Variants in RPS6KA2 observed in about 807,000 individuals in gnomAD.
The protein encoded by RPS6KA2 is ribosomal protein S6 kinase A2, also known as ribosomal protein S6 kinase alpha-2.
Under a neutral mutation model 91.8 loss-of-function variants are expected in RPS6KA2, and 42 were observed. That is an observed-to-expected ratio of 0.46 (90% CI 0.36 to 0.59). The LOEUF is 0.59. Ranked by LOEUF, RPS6KA2 falls within the 20% of genes least tolerant of loss-of-function variation. RPS6KA2 has a pLI of 0.00. For missense variants in RPS6KA2, 798 were observed against 978.5 expected, an observed-to-expected ratio of 0.82 and a Z score of 2.46; for synonymous variants, 414 against 393.6, an observed-to-expected ratio of 1.05 and a Z score of -0.61.
chr6:166,477,429 T>C (rs985593103), intron 10 of RPS6KA2, among the ~76,000 whole-genome samples: 26 of 152,158 alleles, frequency 1.7e-4, no homozygotes, highest in Non-Finnish European at 3.2e-4. Context: ...ACTAAAACAA[T>C]ATTTTAAAGA....
chr6:166,482,403 C>T (rs542850875), intron 10 of RPS6KA2, among the ~76,000 whole-genome samples: 1 of 152,200 alleles, frequency 6.6e-6, no homozygotes, highest in Admixed American at 6.5e-5. Flanking sequence ...TGCAGAGATG[C>T]CACCCTTTCC....
rs1778245458 is a variant in RPS6KA2, at chr6:166,409,924, A to C, written c.*2838T>G. ...ACATCAATACATACACAGTTAGTTTAAAATCACAGACAAATCGGACTTGAG... is the reference window on the plus strand; with the variant it reads ...ACATCAATACATACACAGTTAGTTTCAAATCACAGACAAATCGGACTTGAG... On this transcript the variant is annotated 3_prime_UTR_variant, in exon 21 of 21. Transcript: ENST00000265678. The C allele has an allele frequency of 6.6e-6, 1 of 152,376 alleles. No homozygotes were observed. 9.4% of individuals were successfully genotyped at this position (152,376 alleles called of 1,614,324 possible).
At chr6:166,521,586 G>A (rs1021345031) in intron 3 of RPS6KA2, among the ~76,000 whole-genome samples, 2 of 152,228 alleles carry the variant, frequency 1.3e-5, no homozygotes, top group Non-Finnish European at 2.9e-5. Context: ...CAGAGCTCGT[G>A]TGTTTTCATA....
At chr6:166,730,294 C>T (rs1394608717) in intron 2 of RPS6KA2, among the ~76,000 whole-genome samples, 1 of 119,194 alleles carries the variant, frequency 8.4e-6, no homozygotes, top group African/African-American at 5.6e-5. Flanking sequence ...TATATGGGAA[C>T]TTCTTTAGTT....
At chr6:166,460,689 C>G (rs781367352) in intron 11 of RPS6KA2, 16 of 152,514 alleles carry the variant, frequency 1.0e-4, no homozygotes, top group Non-Finnish European at 2.2e-4. Context: ...GTCTTGCCCC[C>G]CACTGAGCAT....
At chr6:166,764,303 C>G (rs558606996) in intron 2 of RPS6KA2, among the ~76,000 whole-genome samples, 2 of 152,006 alleles carry the variant, frequency 1.3e-5, no homozygotes, top group Non-Finnish European at 2.9e-5. Flanking sequence ...CCAGGGGGCG[C>G]GTGAAAAGGA....
At chr6:166,630,673 G>C (rs1787048672), upstream of RPS6KA2, among the ~76,000 whole-genome samples, 1 of 152,224 alleles carries the variant, frequency 6.6e-6, no homozygotes, top group South Asian at 2.1e-4. Flanking sequence ...GTACGAGGGA[G>C]GGAGGTGGGC....
rs543928326 is a variant in RPS6KA2, at chr6:166,418,515, G to A, written c.1821-173C>T. Among the ~76,000 whole-genome samples the A allele has an allele frequency of 6.6e-6, 1 of 152,330 alleles. No individual in the cohort carries two copies. Among genetic ancestry groups the A allele is most frequent in the African/African-American group, 2.4e-5 (1 of 41,578 alleles). On this transcript the variant is annotated intron_variant, in intron 18 of 20. Coordinates refer to ENST00000265678, the MANE Select transcript of RPS6KA2 (RefSeq NM_021135.6). This position sits in a 1 kb window ranked among gnomAD's most constrained non-coding sequence, Gnocchi z 4.9. Reference sequence around the variant, plus strand: ...GGAACTTACCTCTAACACTATGCCCGTTTTCCTTCCTTAGCAATTGGGTGG... The same window carrying A: ...GGAACTTACCTCTAACACTATGCCCATTTTCCTTCCTTAGCAATTGGGTGG...
intron 14 of RPS6KA2, among the ~76,000 whole-genome samples, chr6:166,439,253 A>G (rs373840353): frequency 0.012 from 1,790 of 152,278 alleles, 43 homozygotes; most frequent in African/African-American, 0.041. Flanking sequence ...GATTACAGGC[A>G]CGCGCCACCA....
At chr6:166,673,454 C>T (rs1186353780) in intron 2 of RPS6KA2, among the ~76,000 whole-genome samples, 1 of 152,192 alleles carries the variant, frequency 6.6e-6, no homozygotes, top group Non-Finnish European at 1.5e-5. Flanking sequence ...ATGACTGAGT[C>T]GCTGTCCCTG....
In RPS6KA2 at chr6:166,412,904, A is replaced by C; in HGVS notation, c.2077-17T>G. The C allele has an allele frequency of 6.5e-7, 1 of 1,545,656 alleles. No individual in the cohort carries two copies. The highest frequency in any genetic ancestry group is 8.7e-7 in the Non-Finnish European group (1 of 1,143,534). On this transcript the variant is annotated splice_polypyrimidine_tract_variant and intron_variant, in intron 20 of 20. Coordinates refer to ENST00000265678, the MANE Select transcript of RPS6KA2 (RefSeq NM_021135.6). The surrounding 1 kb of genome is among the most constrained non-coding windows in gnomAD (Gnocchi z 4.3). ...CATCGCGCCCTGCAAAACAGAAGAC[A>C]AGGGTGAGAGCCGCGGCGCCTCACT... is the stretch of plus-strand genomic sequence containing the variant.
Position 166,648,025 on chromosome 6 carries a change from CAT to C in RPS6KA2, c.124-109243_124-109242del, listed in dbSNP as rs1356649290. Among the ~76,000 whole-genome samples, 1,375 of 141,864 alleles carry C rather than the reference CAT, an allele frequency of 9.7e-3. 39 individuals carry two copies. The highest frequency in any genetic ancestry group is 0.037 in the African/African-American group (1,278 of 34,942). 93.1% of individuals were successfully genotyped at this position (141,864 alleles called of 152,430 possible). ...ACACACGCACATGCTTACACACATA[CAT>C]ACACACATGCTCTCACACACATGCA... On this transcript the variant is annotated intron_variant, in intron 2 of 21. Coordinates refer to the RPS6KA2 transcript ENST00000503859. This position sits in a 1 kb window ranked among gnomAD's most constrained non-coding sequence, Gnocchi z 4.8.
intron 2 of RPS6KA2, among the ~76,000 whole-genome samples, chr6:166,704,084 T>C (rs1292121363): frequency 6.6e-6 from 1 of 152,236 alleles, no homozygotes; most frequent in African/African-American, 2.4e-5. Context: ...TGACTTCGTA[T>C]AACAGAGGTG....
intron 2 of RPS6KA2, among the ~76,000 whole-genome samples, chr6:166,750,939 T>C (rs1230270478): frequency 6.6e-6 from 1 of 152,222 alleles, no homozygotes; most frequent in African/African-American, 2.4e-5. Context: ...AGCACAACTC[T>C]CTGAGGGGAC....
intron 2 of RPS6KA2, among the ~76,000 whole-genome samples, chr6:166,850,557 T>A (rs1780714128): frequency 6.6e-6 from 1 of 152,016 alleles, no homozygotes; most frequent in African/African-American, 2.4e-5. Flanking sequence ...CTTTCTCCAG[T>A]GTGAAGAGAG....
intron 2 of RPS6KA2, among the ~76,000 whole-genome samples, chr6:166,742,222 G>T (rs915318342): frequency 2.0e-5 from 3 of 152,230 alleles, no homozygotes; most frequent in African/African-American, 7.2e-5. Flanking sequence ...CATCACTAAT[G>T]CTCTGCACAG....
chr6:166,506,274 A>T (rs1168928881), intron 5 of RPS6KA2, among the ~76,000 whole-genome samples: 1 of 152,164 alleles, frequency 6.6e-6, no homozygotes, highest in Non-Finnish European at 1.5e-5. Flanking sequence ...CTCCGAAATG[A>T]AGGCCCTCGG....
At chr6:166,759,082 T>TGC (rs1491010189) in intron 2 of RPS6KA2, among the ~76,000 whole-genome samples, 11 of 107,762 alleles carry the variant, frequency 1.0e-4, no homozygotes, top group African/African-American at 3.3e-4. Context: ...TGTGTGTGTG[T>TGC]GCACATGTGT....
intron 5 of RPS6KA2, among the ~76,000 whole-genome samples, chr6:166,506,206 G>A (rs1043369837): frequency 6.6e-5 from 10 of 152,300 alleles, no homozygotes; most frequent in Middle Eastern, 3.4e-3. Flanking sequence ...AAGACTTTCC[G>A]CAGGTTCCCA....
Sources: allele counts gnomAD v4.1 joint callset (sites outside exome capture counted in the v4.1 genomes callset), GRCh38; gene constraint gnomAD v4.1.1; non-coding constraint Gnocchi (gnomAD v3.1); transcripts MANE v1.5; gene names NCBI Gene and HGNC (gene_info 2026-07-23, HGNC 2026-07-21).